PDSS2: variants seen among roughly 807,000 people sequenced by gnomAD.
PDSS2 encodes decaprenyl diphosphate synthase subunit 2.
In PDSS2, 31 loss-of-function variants were observed where a neutral mutation model predicts 44.5. That is an observed-to-expected ratio of 0.70 (90% CI 0.52 to 0.94). PDSS2 has a LOEUF of 0.94. Among genes scored for constraint, PDSS2 ranks in the 40% least tolerant of loss-of-function variants. The pLI is 0.00. For synonymous variants in PDSS2, 157 were observed against 180.3 expected (o/e 0.87, Z 1.03); for missense variants, 452 against 482.2 (o/e 0.94, Z 0.59).
chr6:107,304,469 T>C (rs1416726707), intron 2 of PDSS2, among the ~76,000 whole-genome samples: 1 of 152,230 alleles, frequency 6.6e-6, no homozygotes, highest in African/African-American at 2.4e-5. Flanking sequence ...CCACATAGCA[T>C]AGAACTTAAA....
chr6:107,285,893 A>G (rs1776124317), intron 2 of PDSS2, among the ~76,000 whole-genome samples: 1 of 152,188 alleles, frequency 6.6e-6, no homozygotes, highest in African/African-American at 2.4e-5. Flanking sequence ...TAATCCCAGT[A>G]CTTTGGGAGG....
intron 1 of PDSS2, among the ~76,000 whole-genome samples, chr6:107,424,893 T>G (rs770314611): frequency 3.2e-4 from 49 of 152,246 alleles, no homozygotes; most frequent in Non-Finnish European, 5.9e-4. Flanking sequence ...AAATTTCATC[T>G]TGAATTGTAA....
chr6:107,412,180 G>A (rs544212697), intron 1 of PDSS2, among the ~76,000 whole-genome samples: 4 of 149,420 alleles, frequency 2.7e-5, no homozygotes, highest in Admixed American at 6.7e-5. Flanking sequence ...CAGCCACCGC[G>A]CCTGGCAACT....
chr6:107,254,249 G>C (rs1157708090), intron 3 of PDSS2, among the ~76,000 whole-genome samples: 1 of 151,852 alleles, frequency 6.6e-6, no homozygotes, highest in Admixed American at 6.6e-5. Context: ...GGTCAGGCTG[G>C]TCTTGAACAC....
rs941398678 is a variant in PDSS2, at chr6:107,459,489, G to A, written c.-204C>T. 3 of 595,096 alleles carry A rather than the reference G, an allele frequency of 5.0e-6. No individual in the cohort carries two copies. The highest frequency in any genetic ancestry group is 4.4e-4 in the Middle Eastern group (1 of 2,268). The allele number at this position is 595,096 out of a possible 1,614,324, so 36.9% of individuals were successfully genotyped here. On this transcript the variant is annotated 5_prime_UTR_variant, in exon 1 of 8. Coordinates refer to ENST00000369037, the MANE Select transcript of PDSS2 (RefSeq NM_020381.4). The surrounding 1 kb of genome is among the most constrained non-coding windows in gnomAD (Gnocchi z 4.3). ...CCAGGCTGGGCAAACAACAGTCCCA[G>A]CTCAGCACTGCCCCCGGCCACCCGG... is the stretch of plus-strand genomic sequence containing the variant.
intron 4 of PDSS2, among the ~76,000 whole-genome samples, chr6:107,240,908 G>A (rs1451746544): frequency 2.0e-5 from 3 of 152,018 alleles, no homozygotes; most frequent in Non-Finnish European, 4.4e-5. Flanking sequence ...TATTTCAATG[G>A]ATAGAACAAA....
intron 2 of PDSS2, among the ~76,000 whole-genome samples, chr6:107,324,869 T>C (rs868445465): frequency 3.9e-5 from 6 of 152,278 alleles, no homozygotes; most frequent in Middle Eastern, 3.4e-3. Context: ...GTTTGGCATT[T>C]TGAAGTGCTA....
intron 1 of PDSS2, among the ~76,000 whole-genome samples, chr6:107,406,195 C>A (rs1007559472): frequency 2.7e-4 from 41 of 152,256 alleles, no homozygotes; most frequent in African/African-American, 9.4e-4. Flanking sequence ...AGGTATCCTA[C>A]CCAAACACAC....
chr6:107,186,534 T>A (rs1056135074), intron 7 of PDSS2, among the ~76,000 whole-genome samples: 20 of 152,100 alleles, frequency 1.3e-4, no homozygotes, highest in African/African-American at 4.8e-4. Context: ...AACGTGCAGG[T>A]TTGTTACACA....
intron 2 of PDSS2, among the ~76,000 whole-genome samples, chr6:107,275,681 C>T (rs1775756213): frequency 6.6e-6 from 1 of 152,082 alleles, no homozygotes; most frequent in Non-Finnish European, 1.5e-5. Flanking sequence ...ATATCTGATA[C>T]AGAAATGGTA....
chr6:107,380,482 G>A (rs1044762147), intron 1 of PDSS2, among the ~76,000 whole-genome samples: 1 of 152,198 alleles, frequency 6.6e-6, no homozygotes, highest in African/African-American at 2.4e-5. Context: ...GCACTTCAAA[G>A]TGGATCATTT....
chr6:107,241,992 G>A (rs1438885034), intron 4 of PDSS2, among the ~76,000 whole-genome samples: 1 of 152,140 alleles, frequency 6.6e-6, no homozygotes, highest in Non-Finnish European at 1.5e-5. Flanking sequence ...TCCCAGTCCT[G>A]CCAGAACATG....
chr6:107,241,233 A>G (rs1470185760), intron 4 of PDSS2, among the ~76,000 whole-genome samples: 1 of 135,542 alleles, frequency 7.4e-6, no homozygotes, highest in Non-Finnish European at 1.6e-5. Flanking sequence ...TGGGCAACAG[A>G]GCGAGACTCG....
chr6:107,324,198 T>C (rs1359514390), intron 2 of PDSS2, among the ~76,000 whole-genome samples: 2 of 152,230 alleles, frequency 1.3e-5, no homozygotes, highest in Non-Finnish European at 2.9e-5. Context: ...GTAATATTAC[T>C]AGATTTGTAT....
intron 1 of PDSS2, among the ~76,000 whole-genome samples, chr6:107,387,843 G>A (rs1779657726): frequency 6.6e-6 from 1 of 152,318 alleles, no homozygotes; most frequent in South Asian, 2.1e-4. Flanking sequence ...CTGAGTGCTG[G>A]AGCAAATGTT....
intron 4 of PDSS2, among the ~76,000 whole-genome samples, chr6:107,221,721 G>A (rs1773615892): frequency 6.6e-6 from 1 of 152,160 alleles, no homozygotes; most frequent in African/African-American, 2.4e-5. Context: ...GATACTTTGA[G>A]TTGCTTTTCT....
chr6:107,451,768 G>A (rs1420642163), intron 1 of PDSS2, among the ~76,000 whole-genome samples: 3 of 152,064 alleles, frequency 2.0e-5, no homozygotes, highest in African/African-American at 4.8e-5. Flanking sequence ...CCCAGAGCTC[G>A]GGGCCTTTGC....
chr6:107,229,376 G>A (rs1420414012), intron 4 of PDSS2, among the ~76,000 whole-genome samples: 1 of 151,778 alleles, frequency 6.6e-6, no homozygotes, highest in African/African-American at 2.4e-5. Context: ...TAGTAGAGAC[G>A]GGGTTTCACC....
intron 5 of PDSS2, 144 bp downstream of exon 5, chr6:107,211,965 T>A: frequency 2.8e-6 from 2 of 711,754 alleles, no homozygotes; most frequent in East Asian, 2.6e-5. Flanking sequence ...TTACATTACA[T>A]AACAATCATC....
Sources: gnomAD v4.1 joint callset for allele counts (sites outside exome capture counted in the v4.1 genomes callset) on GRCh38, gnomAD v4.1.1 for gene constraint, Gnocchi (gnomAD v3.1) non-coding constraint, MANE v1.5 for transcripts, NCBI Gene and HGNC (gene_info 2026-07-23, HGNC 2026-07-21) for gene names.